The following ZNF773 variants were observed in gnomAD, a reference collection of about 807,000 sequenced individuals.
The protein encoded by ZNF773 is zinc finger protein 419B.
In ZNF773, 11 loss-of-function variants were observed where a neutral mutation model predicts 12.8. The ratio of observed to expected loss-of-function variants is 0.86; its 90% CI spans 0.54 to 1.42. The LOEUF is 1.42. ZNF773 is among the 40% of genes most tolerant of loss of function. The pLI is 0.00. For synonymous variants in ZNF773, 175 were observed against 178.4 expected (o/e 0.98, Z 0.15); for missense variants, 518 against 527.2 (o/e 0.98, Z 0.17).
At chr19:57,512,340 A>C (rs1193269442), downstream of ZNF773, among the ~76,000 whole-genome samples, 6 of 152,258 alleles carry the variant, frequency 3.9e-5, no homozygotes, top group African/African-American at 1.4e-4. Flanking sequence ...GTCAAGAGTC[A>C]CATAAACACA....
chr19:57,506,235 C>G (rs2012431), intron 3 of ZNF773, 123 bp from the exon 4 acceptor site: 56 of 1,473,076 alleles, frequency 3.8e-5, no homozygotes, highest in Non-Finnish European at 4.4e-5. Flanking sequence ...CCACCAAGCG[C>G]TAGCCCCCTC....
intron 3 of ZNF773, 27 bp from the exon 4 acceptor site, chr19:57,506,331 A>G: frequency 6.3e-7 from 1 of 1,588,194 alleles, no homozygotes; most frequent in Non-Finnish European, 8.6e-7. Flanking sequence ...GACTACATTT[A>G]CTTCATCAAC....
downstream of ZNF773, among the ~76,000 whole-genome samples, chr19:57,509,980 T>C (rs902785627): frequency 6.6e-6 from 1 of 152,196 alleles, no homozygotes; most frequent in Admixed American, 6.5e-5. Flanking sequence ...AAAGAGGCAA[T>C]GACATAAAAC....
downstream of ZNF773, chr19:57,513,818 A>G (rs1284847102): frequency 1.3e-5 from 2 of 152,252 alleles, no homozygotes; most frequent in Non-Finnish European, 2.9e-5. Flanking sequence ...GATTAAACCA[A>G]TGGGTGCATT....
rs1256319582 is a variant in ZNF773, at chr19:57,506,000, C to T, written c.263-358C>T. 8.5e-5 allele frequency among the ~76,000 whole-genome samples: 13 copies of T among 152,174 alleles called. No individual in the cohort carries two copies. In the East Asian group the frequency reaches 1.5e-3, roughly 18 times the overall value. On this transcript the variant is annotated intron_variant, in intron 3 of 3. Coordinates refer to ENST00000282292, the MANE Select transcript of ZNF773 (RefSeq NM_198542.3). ...CTGGGATTACAGGCATGAGGCACCG[C>T]GCCCATCCTGCAGTTGTTTTTTTCT...
Position 57,507,756 on chromosome 19 carries a change from C to T in ZNF773, c.*332C>T, listed in dbSNP as rs1568582090. On this transcript the variant is annotated 3_prime_UTR_variant, in exon 4 of 4. Coordinates refer to ENST00000282292, the MANE Select transcript of ZNF773 (RefSeq NM_198542.3). ...TTGGGAGGCTGAAGCGGGCGGATCACAAGGTCAGGACATCGAAACCATCCT... is the reference window on the plus strand; with the variant it reads ...TTGGGAGGCTGAAGCGGGCGGATCATAAGGTCAGGACATCGAAACCATCCT... The T allele has an allele frequency of 1.9e-6, 2 of 1,061,540 alleles. No homozygotes were observed. The highest frequency in any genetic ancestry group is 2.3e-6 in the Non-Finnish European group (2 of 866,738). The allele number at this position is 1,061,540 out of a possible 1,614,324, so 65.8% of individuals were successfully genotyped here.
intron 1 of ZNF773, 44 bp from the exon 2 acceptor site, chr19:57,504,613 C>T (rs2074061): frequency 0.19 from 311,410 of 1,606,592 alleles, 30,906 homozygotes; most frequent in African/African-American, 0.25. Context: ...GCCTAAATTC[C>T]CCAGTAAGGA....
At chr19:57,512,322 T>A (rs781552604), downstream of ZNF773, among the ~76,000 whole-genome samples, 7 of 151,896 alleles carry the variant, frequency 4.6e-5, no homozygotes, top group African/African-American at 7.3e-5. Context: ...TATACAAGGT[T>A]AAAATTAGTC....
In ZNF773 at chr19:57,507,770, C is replaced by T. The variant is rs1204675372; in HGVS notation, c.*346C>T. ...CGGGCGGATCACAAGGTCAGGACAT[C>T]GAAACCATCCTGGTTAACACAATGA... On this transcript the variant is annotated 3_prime_UTR_variant, in exon 4 of 4. Transcript: ENST00000282292. The T allele has an allele frequency of 1.5e-5, 14 of 952,852 alleles. No homozygotes were observed. Among genetic ancestry groups the T allele is most frequent in the African/African-American group, 1.0e-4 (6 of 57,600 alleles). The allele number at this position is 952,852 out of a possible 1,614,324, so 59.0% of individuals were successfully genotyped here.
downstream of ZNF773, chr19:57,515,703 A>T (rs66647271): frequency 0.21 from 31,466 of 152,106 alleles, 3,382 homozygotes; most frequent in African/African-American, 0.25. Flanking sequence ...GCTTTTCAAA[A>T]TTTTTTACAG....
chr19:57,500,052 C>T lies in ZNF773; in HGVS notation c.-29C>T. Reference sequence around the variant, plus strand: ...CCCAGGGTGGCCCGGGCCCTTTCCTCGGTCGTTGTCTCACCGCCACAGGCT... The same window carrying T: ...CCCAGGGTGGCCCGGGCCCTTTCCTTGGTCGTTGTCTCACCGCCACAGGCT... On this transcript the variant is annotated 5_prime_UTR_variant, in exon 1 of 4. Coordinates refer to ENST00000282292, the MANE Select transcript of ZNF773 (RefSeq NM_198542.3). 2 of 1,577,164 alleles carry T rather than the reference C, an allele frequency of 1.3e-6. No homozygotes were observed. The highest frequency in any genetic ancestry group is 1.7e-6 in the Non-Finnish European group (2 of 1,163,250).
downstream of ZNF773, among the ~76,000 whole-genome samples, chr19:57,512,254 C>T (rs1421192953): frequency 2.6e-5 from 4 of 151,948 alleles, no homozygotes; most frequent in Non-Finnish European, 5.9e-5. Flanking sequence ...ATGCATAATA[C>T]AAAATATATG....
chr19:57,506,312 C>T (rs1386844298), intron 3 of ZNF773, 46 bp from the exon 4 acceptor site: 1 of 1,563,858 alleles, frequency 6.4e-7, no homozygotes, highest in African/African-American at 1.4e-5. Flanking sequence ...GCTGCCTTCT[C>T]ACACCAAAGA....
downstream of ZNF773, chr19:57,508,495 A>T: frequency 2.9e-6 from 2 of 699,516 alleles, no homozygotes. Flanking sequence ...CAGAGACTGA[A>T]TTGTGTTTTT....
chr19:57,504,917 T>G (rs924040252), intron 2 of ZNF773, 131 bp downstream of exon 2: 1 of 1,300,646 alleles, frequency 7.7e-7, no homozygotes, highest in African/African-American at 1.5e-5. Flanking sequence ...CTGAAGTAGC[T>G]ATTGTAATAG....
At position 57,500,125 on chromosome 19, in the gene ZNF773, GTCC is replaced by G. The variant is rs2089652167; in HGVS notation, c.33+16_33+18del. On this transcript the variant is annotated intron_variant, in intron 1 of 3. Transcript: ENST00000282292. ...GGGACCCCGCTCAGGTGAGCGCCGC[GTCC>G]TCCCGGCCTCCCCCGAATCCTAAAG... The G allele has an allele frequency of 1.9e-6, 3 of 1,602,192 alleles. No individual in the cohort carries two copies. In the South Asian group the frequency reaches 3.4e-5, roughly 18 times the overall value.
chr19:57,507,557 A>G lies in ZNF773; in HGVS notation c.*133A>G. 4 of 1,448,240 alleles carry G rather than the reference A, an allele frequency of 2.8e-6. No homozygotes were observed. Among genetic ancestry groups the G allele is most frequent in the Non-Finnish European group, 3.6e-6 (4 of 1,107,482 alleles). 89.7% of individuals were successfully genotyped at this position (1,448,240 alleles called of 1,614,324 possible). A position where few individuals can be genotyped will look rare whatever the true frequency, so the allele number is the denominator to read the frequency against. ...AAACTCATTCAACACTGGACAGTTC[A>G]CAGAGTGGACAATGTAGTGAATATG... On this transcript the variant is annotated 3_prime_UTR_variant, in exon 4 of 4. Transcript: ENST00000282292.
downstream of ZNF773, chr19:57,512,982 C>A (rs769773000): frequency 5.3e-6 from 8 of 1,514,106 alleles, 1 homozygote; most frequent in Admixed American, 1.8e-4. Context: ...TAAAACAGAT[C>A]TTTTTGTCTT....
chr19:57,511,051 ATTTATT>A (rs2089790273), downstream of ZNF773, among the ~76,000 whole-genome samples: 2 of 136,800 alleles, frequency 1.5e-5, no homozygotes, highest in Non-Finnish European at 3.1e-5. Context: ...ATTTTATTTT[ATTTATT>A]TTTTTTTTTT....
Sources: gnomAD v4.1 joint callset for allele counts (sites outside exome capture counted in the v4.1 genomes callset) on GRCh38, gnomAD v4.1.1 for gene constraint, MANE v1.5 for transcripts, NCBI Gene and HGNC (gene_info 2026-07-23, HGNC 2026-07-21) for gene names.